AOAH: variants seen among roughly 807,000 people sequenced by gnomAD.
AOAH encodes the protein acyloxyacyl hydrolase, also known as acyloxyacyl hydrolase (neutrophil).
In AOAH, 64 loss-of-function variants were observed where a neutral mutation model predicts 92.2. The ratio of observed to expected loss-of-function variants is 0.69; its 90% confidence interval spans 0.57 to 0.86. AOAH has a LOEUF of 0.86. AOAH is among the 40% of genes least tolerant of loss of function. The pLI is 0.00. For missense variants in AOAH, 656 were observed against 694.6 expected (o/e 0.94, Z 0.62); for synonymous variants, 263 against 254.5 (o/e 1.03, Z -0.32).
At chr7:36,519,304 C>T (rs548413568) in intron 20 of AOAH, among the ~76,000 whole-genome samples, 150 of 152,346 alleles carry the variant, frequency 9.8e-4, no homozygotes, top group Non-Finnish European at 1.1e-3. Context: ...CAACATGCCA[C>T]GCTTTCTTTC....
intron 6 of AOAH, among the ~76,000 whole-genome samples, chr7:36,624,528 C>T (rs755118338): frequency 6.6e-6 from 1 of 152,220 alleles, no homozygotes; most frequent in Admixed American, 6.5e-5. Flanking sequence ...TATGGCTCTA[C>T]AGCCTGTATT....
At chr7:36,622,842 T>G (rs902860642) in intron 7 of AOAH, among the ~76,000 whole-genome samples, 2 of 152,058 alleles carry the variant, frequency 1.3e-5, no homozygotes, top group African/African-American at 4.8e-5. Context: ...AGTCAGGAGT[T>G]TGAGACCAGC....
chr7:36,638,743 A>G (rs1185110938), intron 4 of AOAH, among the ~76,000 whole-genome samples: 1 of 152,184 alleles, frequency 6.6e-6, no homozygotes, highest in Non-Finnish European at 1.5e-5. Flanking sequence ...CTGCTCAACA[A>G]TTGGAAAGCT....
In AOAH at chr7:36,689,006, T is replaced by C. The variant is rs1370678601; in HGVS notation, c.128-2212A>G. The stretch of plus-strand genomic sequence containing the variant: ...TGAGGTCTTGCTATGTTGGCCAGGT[T>C]GGTCTCGAACTCCTGGCCTCAAGTG... On this transcript the variant is annotated intron_variant, in intron 1 of 20. Transcript: ENST00000617537. Among the ~76,000 whole-genome samples the C allele has an allele frequency of 2.0e-5, 3 of 152,288 alleles. No individual in the cohort carries two copies. The East Asian group carries it at 5.8e-4, about 29-fold the overall frequency.
chr7:36,637,160 C>T (rs868688823), intron 5 of AOAH, among the ~76,000 whole-genome samples: 12 of 152,082 alleles, frequency 7.9e-5, no homozygotes, highest in African/African-American at 1.7e-4. Flanking sequence ...ATCTGTTGAA[C>T]GAGAGTGTTA....
chr7:36,698,778 T>C (rs574986360), intron 1 of AOAH, among the ~76,000 whole-genome samples: 2 of 152,308 alleles, frequency 1.3e-5, no homozygotes, highest in African/African-American at 4.8e-5. Flanking sequence ...ATATCTATCA[T>C]CTTAAAAATT....
At chr7:36,638,630 C>T (rs183899728) in intron 4 of AOAH, among the ~76,000 whole-genome samples, 96 of 152,254 alleles carry the variant, frequency 6.3e-4, no homozygotes, top group African/African-American at 2.2e-3. Flanking sequence ...GGAGGGTTTT[C>T]TCTCATCACT....
At chr7:36,624,657 C>T (rs1792509409) in intron 6 of AOAH, among the ~76,000 whole-genome samples, 1 of 152,178 alleles carries the variant, frequency 6.6e-6, no homozygotes, top group Non-Finnish European at 1.5e-5. Flanking sequence ...AGTTGGTTTC[C>T]CGCTCTGTCT....
intron 19 of AOAH, among the ~76,000 whole-genome samples, chr7:36,529,080 G>A (rs1237246562): frequency 6.6e-6 from 1 of 152,132 alleles, no homozygotes; most frequent in Non-Finnish European, 1.5e-5. Flanking sequence ...TTAGGAGGAT[G>A]ACACATTATT....
At chr7:36,595,635 T>C (rs1412427656) in intron 11 of AOAH, among the ~76,000 whole-genome samples, 1 of 152,264 alleles carries the variant, frequency 6.6e-6, no homozygotes, top group Admixed American at 6.5e-5. Context: ...GTCTCATGCA[T>C]GCAATGGTTG....
chr7:36,620,169 A>G (rs1344422544), intron 9 of AOAH, among the ~76,000 whole-genome samples: 1 of 152,186 alleles, frequency 6.6e-6, no homozygotes, highest in Non-Finnish European at 1.5e-5. Flanking sequence ...TTGTATTTTT[A>G]AGTAGATATT....
At chr7:36,654,113 C>CTGTGCGTG (rs1409046088) in intron 4 of AOAH, among the ~76,000 whole-genome samples, 1 of 148,202 alleles carries the variant, frequency 6.7e-6, no homozygotes, top group Non-Finnish European at 1.5e-5. Context: ...GCATGCATCC[C>CTGTGCGTG]TGTGCGTGTG....
At chr7:36,634,734 G>T (rs1793401510) in intron 5 of AOAH, among the ~76,000 whole-genome samples, 1 of 152,196 alleles carries the variant, frequency 6.6e-6, no homozygotes, top group Admixed American at 6.5e-5. Flanking sequence ...TTAATATTCA[G>T]TTTAGTCTGA....
At chr7:36,566,808 C>T (rs998754571) in intron 13 of AOAH, among the ~76,000 whole-genome samples, 3 of 152,122 alleles carry the variant, frequency 2.0e-5, no homozygotes, top group Admixed American at 6.5e-5. Flanking sequence ...ATGCGTGTAA[C>T]TTCAGTGAAC....
At chr7:36,515,710 CA>C (rs1193487348) in intron 20 of AOAH, among the ~76,000 whole-genome samples, 4 of 123,586 alleles carry the variant, frequency 3.2e-5, no homozygotes, top group Admixed American at 7.9e-5. Context: ...CACACCCCCC[CA>C]CACACCACAC....
Position 36,576,621 on chromosome 7 carries a change from T to C in AOAH, c.974A>G (p.Lys325Arg). 6.3e-7 allele frequency: 1 copy of C among 1,582,688 alleles called. No individual in the cohort carries two copies. Among genetic ancestry groups the C allele is most frequent in the Non-Finnish European group, 8.6e-7 (1 of 1,159,224 alleles). The change falls in exon 13 of 21, where the codon AAA (lysine) becomes AGA (arginine). Residue 325 changes from lysine (K) to arginine (R), a missense_variant. By Grantham distance (26) the Lys-to-Arg change is conservative. Coordinates refer to ENST00000617537, the MANE Select transcript of AOAH (RefSeq NM_001637.4). Reference protein sequence around the residue: ...KEKSIYLRLWKRNHCNHRDYQ... With the variant: ...KEKSIYLRLWRRNHCNHRDYQ... Reference sequence around the variant, plus strand: ...GTCCCTGTGATTACAGTGGTTTCTTTTCCATAAGCGAAGGTAAATAGATTT... The same window carrying C: ...GTCCCTGTGATTACAGTGGTTTCTTCTCCATAAGCGAAGGTAAATAGATTT...
rs549317369 is a variant in AOAH at position 36,678,600 on chromosome 7, T to TGTGTGTGTGTGTGC, written c.224-4592_224-4591insGCACACACACACAC. On this transcript the variant is annotated intron_variant, in intron 2 of 20. Coordinates refer to ENST00000617537, the MANE Select transcript of AOAH (RefSeq NM_001637.4). ...GTGTGTGTGTGTGTGTGTGTGTGTG[T>TGTGTGTGTGTGTGC]GCGCGCGCGCGCGCGTTAGAATTCT... 2.3e-3 allele frequency among the ~76,000 whole-genome samples: 295 copies of TGTGTGTGTGTGTGC among 131,036 alleles called. 2 individuals carry two copies. Among genetic ancestry groups the TGTGTGTGTGTGTGC allele is most frequent in the Middle Eastern group, 4.3e-3 (1 of 234 alleles). The allele number at this position is 131,036 out of a possible 152,430, so 86.0% of individuals were successfully genotyped here.
chr7:36,603,470 C>T (rs73338186), intron 11 of AOAH, among the ~76,000 whole-genome samples: 2,160 of 152,290 alleles, frequency 0.014, 49 homozygotes, highest in African/African-American at 0.048. Flanking sequence ...CTTAGGTGTC[C>T]TCTTCTAGGT....
chr7:36,522,601 A>C (rs16879395), intron 19 of AOAH, among the ~76,000 whole-genome samples: 4,348 of 152,298 alleles, frequency 0.029, 212 homozygotes, highest in African/African-American at 0.099. Context: ...CCACATTTGG[A>C]GGGAGTATGG....
Sources: allele counts gnomAD v4.1 joint callset (sites outside exome capture counted in the v4.1 genomes callset), GRCh38; gene constraint gnomAD v4.1.1; transcripts MANE v1.5; gene names NCBI Gene and HGNC (gene_info 2026-07-23, HGNC 2026-07-21).